Variants in NR6A1 observed in about 807,000 individuals in gnomAD.
The protein encoded by NR6A1 is retinoic acid receptor-related testis-associated receptor.
In NR6A1, 7 loss-of-function variants were observed where a neutral mutation model predicts 59.1. The ratio of observed to expected loss-of-function variants is 0.12; its 90% CI spans 0.07 to 0.22. The LOEUF is 0.22. Ranked by LOEUF, NR6A1 falls within the 10% of genes least tolerant of loss-of-function variation. The pLI is 1.00. For missense variants in NR6A1, 468 were observed against 611.6 expected, an observed-to-expected ratio of 0.77 and a Z score of 2.48; for synonymous variants, 243 against 236.1, an observed-to-expected ratio of 1.03 and a Z score of -0.27.
intron 2 of NR6A1, among the ~76,000 whole-genome samples, chr9:124,629,725 C>T (rs1310325169): frequency 1.3e-5 from 2 of 152,164 alleles, no homozygotes; most frequent in African/African-American, 2.4e-5. Flanking sequence ...CTTAGCACAT[C>T]GTTCTATGTA....
intron 2 of NR6A1, among the ~76,000 whole-genome samples, chr9:124,658,929 C>T (rs1195802379): frequency 6.6e-6 from 1 of 152,140 alleles, no homozygotes; most frequent in African/African-American, 2.4e-5. Context: ...CATAACGCAG[C>T]TGGAGAGAGT....
chr9:124,651,820 AGT>A (rs1837112738), intron 2 of NR6A1, among the ~76,000 whole-genome samples: 2 of 152,288 alleles, frequency 1.3e-5, no homozygotes, highest in South Asian at 4.1e-4. Context: ...GCAGCCATAG[AGT>A]AATAGTTTAA....
intron 2 of NR6A1, among the ~76,000 whole-genome samples, chr9:124,694,817 A>T (rs189569205): frequency 6.6e-6 from 1 of 152,296 alleles, no homozygotes; most frequent in East Asian, 1.9e-4. Flanking sequence ...TTTCCTGTCA[A>T]ATTAGGAAGG....
Position 124,690,713 on chromosome 9 carries a change from C to T in NR6A1, c.142+42595G>A, listed in dbSNP as rs75458054. On this transcript the variant is annotated intron_variant, in intron 2 of 9. Coordinates refer to ENST00000487099, the MANE Select transcript of NR6A1 (RefSeq NM_033334.4). ...GCCTGGTCACTCTTAGCTAATTTAA[C>T]CCTTAACTTTTTTTAACCCTTAGAC... Among the ~76,000 whole-genome samples, 196 of 152,088 alleles carry T rather than the reference C, an allele frequency of 1.3e-3. 1 individual carries two copies. Among genetic ancestry groups the T allele is most frequent in the African/African-American group, 4.5e-3 (187 of 41,484 alleles).
chr9:124,655,380 T>C (rs1677108507), intron 2 of NR6A1, among the ~76,000 whole-genome samples: 1 of 152,226 alleles, frequency 6.6e-6, no homozygotes, highest in Non-Finnish European at 1.5e-5. Flanking sequence ...AAGATAACAA[T>C]ATGTATCTGA....
intron 3 of NR6A1, among the ~76,000 whole-genome samples, chr9:124,545,104 AG>A (rs150043061): frequency 0.036 from 5,448 of 152,300 alleles, 216 homozygotes; most frequent in East Asian, 0.14. Flanking sequence ...GGTAACTAAA[AG>A]GCTGACAGGA....
At chr9:124,742,243 A>C (rs188636480) in intron 1 of NR6A1, among the ~76,000 whole-genome samples, 5 of 152,292 alleles carry the variant, frequency 3.3e-5, no homozygotes, top group African/African-American at 1.2e-4. Flanking sequence ...TTTCAACCAG[A>C]AAACCAAAAG....
chr9:124,720,346 C>T (rs1467001384), intron 2 of NR6A1, among the ~76,000 whole-genome samples: 3 of 152,256 alleles, frequency 2.0e-5, no homozygotes, highest in Admixed American at 6.5e-5. Context: ...CCACCACGCC[C>T]GGCCATCTTG....
chr9:124,617,455 T>G (rs184637297), intron 2 of NR6A1, among the ~76,000 whole-genome samples: 204 of 152,286 alleles, frequency 1.3e-3, no homozygotes, highest in Admixed American at 2.3e-3. Context: ...ACCTAGGTGT[T>G]ATTATTTGGC....
At chr9:124,729,244 A>C in intron 2 of NR6A1, among the ~76,000 whole-genome samples, 1 of 152,344 alleles carries the variant, frequency 6.6e-6, no homozygotes, top group Admixed American at 6.5e-5. Flanking sequence ...TTGTGTTCAC[A>C]TCATAGTATA....
At chr9:124,659,645 A>C (rs755614806) in intron 2 of NR6A1, among the ~76,000 whole-genome samples, 23 of 152,200 alleles carry the variant, frequency 1.5e-4, no homozygotes, top group Non-Finnish European at 2.8e-4. Context: ...ACTGCTTACA[A>C]AGCTGTCTGA....
intron 1 of NR6A1, among the ~76,000 whole-genome samples, chr9:124,761,767 T>C (rs1163399105): frequency 1.3e-5 from 2 of 152,240 alleles, no homozygotes; most frequent in African/African-American, 4.8e-5. Flanking sequence ...CATTATTCTA[T>C]AGCAATGACT....
Position 124,584,247 on chromosome 9 carries a change from A to G in NR6A1, c.143-29677T>C, listed in dbSNP as rs142466278. 3.8e-3 allele frequency among the ~76,000 whole-genome samples: 575 copies of G among 152,062 alleles called. 2 individuals carry two copies. The highest frequency in any genetic ancestry group is 0.013 in the African/African-American group (554 of 41,378). On this transcript the variant is annotated intron_variant, in intron 2 of 9. Coordinates refer to ENST00000487099, the MANE Select transcript of NR6A1 (RefSeq NM_033334.4). ...CTCAGCCTCCCGAGTAGCTGGGATT[A>G]CAGGCGTATGCCACCACACCCAGCT...
intron 7 of NR6A1, among the ~76,000 whole-genome samples, chr9:124,528,272 A>G (rs1036313051): frequency 6.6e-6 from 1 of 152,206 alleles, no homozygotes; most frequent in African/African-American, 2.4e-5. Flanking sequence ...CTTTTTAAGT[A>G]CCAAGGGGAG....
At chr9:124,620,881 T>C (rs570621861) in intron 2 of NR6A1, among the ~76,000 whole-genome samples, 1 of 152,322 alleles carries the variant, frequency 6.6e-6, no homozygotes, top group African/African-American at 2.4e-5. Flanking sequence ...TATAATGCTC[T>C]GCCCTTGGGA....
intron 2 of NR6A1, among the ~76,000 whole-genome samples, chr9:124,600,724 G>C (rs1336470756): frequency 6.6e-6 from 1 of 152,162 alleles, no homozygotes. Context: ...TGTAACTAAA[G>C]TGGGTAAGAA....
chr9:124,639,037 A>G (rs932756122), intron 2 of NR6A1, among the ~76,000 whole-genome samples: 1 of 152,220 alleles, frequency 6.6e-6, no homozygotes, highest in African/African-American at 2.4e-5. Context: ...CATAATAGTT[A>G]ACACAATTGA....
At chr9:124,523,590 G>A (rs1033715445) in intron 9 of NR6A1, among the ~76,000 whole-genome samples, 42 of 152,112 alleles carry the variant, frequency 2.8e-4, no homozygotes, top group Admixed American at 2.4e-3. Flanking sequence ...TTCTATGGAG[G>A]AGAGTGGCAT....
intron 2 of NR6A1, chr9:124,658,837 T>A (rs1320211432): frequency 6.6e-6 from 1 of 152,170 alleles, no homozygotes; most frequent in African/African-American, 2.4e-5. Context: ...ATTTGTGTAA[T>A]GGAATACTGT....
Sources: allele counts gnomAD v4.1 joint callset (sites outside exome capture counted in the v4.1 genomes callset), GRCh38; gene constraint gnomAD v4.1.1; transcripts MANE v1.5; gene names NCBI Gene and HGNC (gene_info 2026-07-23, HGNC 2026-07-21).